Variants in MRPS6 observed in about 807,000 individuals in gnomAD.
MRPS6 encodes the protein small ribosomal subunit protein bS6m.
MRPS6 carries 6 observed loss-of-function variants against 13.1 expected under a neutral mutation model. The ratio of observed to expected loss-of-function variants is 0.46; its 90% CI spans 0.25 to 0.91. The LOEUF (loss-of-function observed/expected upper bound fraction) is 0.91, where lower values mean the gene tolerates loss of function less well. Among genes scored for constraint, MRPS6 ranks in the 40% least tolerant of loss-of-function variants. The pLI is 0.18. For synonymous variants in MRPS6, 61 were observed against 56.5 expected (o/e 1.08, Z -0.36); for missense variants, 164 against 155.6 (o/e 1.05, Z -0.29).
At chr21:34,094,314 T>G (rs1978861091) in intron 1 of MRPS6, among the ~76,000 whole-genome samples, 1 of 152,144 alleles carries the variant, frequency 6.6e-6, no homozygotes, top group African/African-American at 2.4e-5. Flanking sequence ...AACAATACAT[T>G]TCCAGAGACT....
intron 1 of MRPS6, chr21:34,106,016 A>G (rs1979461724): frequency 9.1e-6 from 9 of 994,396 alleles, no homozygotes; most frequent in South Asian, 9.4e-5. Flanking sequence ...TGAAAAAAGC[A>G]TATCTGCTAA....
rs191795537 is a variant in MRPS6 at position 34,077,896 on chromosome 21, A to G, written c.45+4151A>G. On this transcript the variant is annotated intron_variant, in intron 1 of 2. Transcript: ENST00000399312. The stretch of plus-strand genomic sequence containing the variant: ...CCTTTTTTGATTAGAACACCTGGCA[A>G]AAGTTTTGTATTTGTTCTAGAGTTC... 3.9e-5 allele frequency among the ~76,000 whole-genome samples: 6 copies of G among 152,290 alleles called. No individual in the cohort carries two copies. The East Asian group carries it at 7.7e-4, about 20-fold the overall frequency.
chr21:34,078,140 G>A (rs1031860750), intron 1 of MRPS6, among the ~76,000 whole-genome samples: 3 of 152,050 alleles, frequency 2.0e-5, no homozygotes, highest in Non-Finnish European at 2.9e-5. Flanking sequence ...GCTGTCAAGT[G>A]GTCTTTTTTT....
rs771362260 is a variant in MRPS6 at position 34,142,650 on chromosome 21, A to G, written c.*50A>G. 2.7e-6 allele frequency: 4 copies of G among 1,495,618 alleles called. No individual in the cohort carries two copies. The South Asian group carries it at 5.8e-5, about 22-fold the overall frequency. The allele number at this position is 1,495,618 out of a possible 1,614,324, so 92.6% of individuals were successfully genotyped here. On this transcript the variant is annotated 3_prime_UTR_variant, in exon 3 of 3. Coordinates refer to ENST00000399312, the MANE Select transcript of MRPS6 (RefSeq NM_032476.4). Reference sequence around the variant, plus strand: ...ATATGTAATTCCTTCACATTTGGGCAGCATGGACGAGAAGGAAGAATTTGC... The same window carrying G: ...ATATGTAATTCCTTCACATTTGGGCGGCATGGACGAGAAGGAAGAATTTGC...
intron 1 of MRPS6, among the ~76,000 whole-genome samples, chr21:34,078,949 C>A (rs1989396089): frequency 6.6e-6 from 1 of 152,114 alleles, no homozygotes. Context: ...ATGTAGTTAC[C>A]TCTTAGGGGA....
chr21:34,097,123 A>G (rs1979000670), intron 1 of MRPS6: 2 of 1,614,034 alleles, frequency 1.2e-6, no homozygotes, highest in Non-Finnish European at 1.7e-6. Flanking sequence ...ATGGGTGAGA[A>G]AGAGAGAAAG....
intron 1 of MRPS6, chr21:34,100,936 C>T (rs111740890): frequency 2.0e-6 from 2 of 1,000,174 alleles, no homozygotes; most frequent in Admixed American, 6.2e-5. Flanking sequence ...AGTGTTAAAG[C>T]TTACAGGGTT....
chr21:34,097,607 TAAG>T (rs1569417369), intron 1 of MRPS6: 2 of 1,215,190 alleles, frequency 1.6e-6, no homozygotes, highest in African/African-American at 1.6e-5. Context: ...CATACCAAAG[TAAG>T]AAGAGACCAA....
In MRPS6 at chr21:34,142,410, A is replaced by C; in HGVS notation, c.188A>C (p.Tyr63Ser). Reference protein sequence around the residue: ...AHSQQHNRGGYFLVDFYAPTA... With the variant: ...AHSQQHNRGGSFLVDFYAPTA... The stretch of plus-strand genomic sequence containing the variant: ...CACAAGTTTTTATTTTATTGCAGGT[A>C]TTTCTTGGTGGATTTTTATGCACCC... The change falls in exon 3 of 3, where the codon TAT becomes TCT. Residue 63 changes from tyrosine to serine, a missense_variant and splice_region_variant. Tyr to Ser is a moderately radical substitution (Grantham distance 144). Coordinates refer to ENST00000399312, the MANE Select transcript of MRPS6 (RefSeq NM_032476.4). 1 of 1,567,354 alleles carries C rather than the reference A, an allele frequency of 6.4e-7. No individual in the cohort carries two copies. The highest frequency in any genetic ancestry group is 8.6e-7 in the Non-Finnish European group (1 of 1,159,552).
At chr21:34,107,978 TACAC>T (rs1441029367) in intron 1 of MRPS6, among the ~76,000 whole-genome samples, 1 of 152,150 alleles carries the variant, frequency 6.6e-6, no homozygotes, top group African/African-American at 2.4e-5. Flanking sequence ...AACTAGGAAA[TACAC>T]ATACAGTCAC....
In MRPS6 at chr21:34,105,291, T is replaced by A. The variant is rs979432553; in HGVS notation, c.46-20050T>A. The stretch of plus-strand genomic sequence containing the variant: ...TGGCAATCATGTATGAACTGTGTTA[T>A]ACTTCTCAGTGCTTTCTTTTTTCTT... On this transcript the variant is annotated intron_variant, in intron 1 of 2. Coordinates refer to ENST00000399312, the MANE Select transcript of MRPS6 (RefSeq NM_032476.4). 3 of 1,000,106 alleles carry A rather than the reference T, an allele frequency of 3.0e-6. No homozygotes were observed. In the African/African-American group the frequency reaches 5.2e-5, roughly 17 times the overall value. 62.0% of individuals were successfully genotyped at this position (1,000,106 alleles called of 1,614,324 possible). A position where few individuals can be genotyped will look rare whatever the true frequency, so the allele number is the denominator to read the frequency against.
intron 1 of MRPS6, chr21:34,100,726 A>T (rs1979199090): frequency 7.0e-6 from 7 of 999,960 alleles, no homozygotes; most frequent in Non-Finnish European, 7.2e-6. Flanking sequence ...AACTCTTGTG[A>T]GAGCCAATAG....
chr21:34,092,318 TTA>T (rs1190616243), intron 1 of MRPS6, among the ~76,000 whole-genome samples: 2 of 152,036 alleles, frequency 1.3e-5, no homozygotes, highest in Non-Finnish European at 2.9e-5. Context: ...TTTCCAGTCT[TTA>T]CCAGGTGCTG....
chr21:34,077,692 A>G (rs1004099182), intron 1 of MRPS6, among the ~76,000 whole-genome samples: 7 of 152,232 alleles, frequency 4.6e-5, no homozygotes, highest in African/African-American at 1.7e-4. Flanking sequence ...CGCAGATTAT[A>G]TTTTACATTT....
chr21:34,133,837 A>G (rs888894089), intron 2 of MRPS6, among the ~76,000 whole-genome samples: 1 of 152,226 alleles, frequency 6.6e-6, no homozygotes, highest in Non-Finnish European at 1.5e-5. Context: ...ACTACCTGCT[A>G]TAGACTTCAG....
At chr21:34,082,834 T>TAC (rs1989490062) in intron 1 of MRPS6, among the ~76,000 whole-genome samples, 1 of 152,178 alleles carries the variant, frequency 6.6e-6, no homozygotes, top group African/African-American at 2.4e-5. Context: ...TGGCCCAAGG[T>TAC]GTAATTGACT....
At chr21:34,085,366 AGTCATTTG>A (rs1978328011) in intron 1 of MRPS6, among the ~76,000 whole-genome samples, 1 of 152,222 alleles carries the variant, frequency 6.6e-6, no homozygotes, top group African/African-American at 2.4e-5. Context: ...TTTGTTAAGC[AGTCATTTG>A]GTTAGGTGGC....
chr21:34,120,010 T>A (rs988832137), intron 1 of MRPS6, among the ~76,000 whole-genome samples: 2 of 152,208 alleles, frequency 1.3e-5, no homozygotes, highest in African/African-American at 4.8e-5. Flanking sequence ...CTCTTGGGCT[T>A]TACGGGGGAC....
chr21:34,093,954 TCTC>T (rs1978842190), intron 1 of MRPS6, among the ~76,000 whole-genome samples: 2 of 152,292 alleles, frequency 1.3e-5, no homozygotes, highest in South Asian at 2.1e-4. Flanking sequence ...TGAAAACTTT[TCTC>T]CTCCTCCCTC....
Sources: allele counts gnomAD v4.1 joint callset (sites outside exome capture counted in the v4.1 genomes callset), GRCh38; gene constraint gnomAD v4.1.1; transcripts MANE v1.5; gene names NCBI Gene and HGNC (gene_info 2026-07-23, HGNC 2026-07-21).